The following AP3S2 variants were observed in gnomAD, a reference collection of about 807,000 sequenced individuals.
The protein encoded by AP3S2 is AP-3 complex subunit sigma-2.
In AP3S2, 22 loss-of-function variants were observed where a neutral mutation model predicts 23.4. The observed-to-expected ratio is 0.94, with a 90% confidence interval of 0.67 to 1.34. AP3S2 has a LOEUF of 1.34. Among genes scored for constraint, AP3S2 ranks in the 40% most tolerant of loss-of-function variants. The probability of loss-of-function intolerance (pLI) is 0.00; values close to 1 mark genes in which losing one functional copy is unlikely to be tolerated. For missense variants in AP3S2, 241 were observed against 236.9 expected (o/e 1.02, Z -0.11); for synonymous variants, 86 against 87.1 (o/e 0.99, Z 0.07).
intron 4 of AP3S2, among the ~76,000 whole-genome samples, chr15:89,853,652 C>CT (rs1332743937): frequency 7.5e-6 from 1 of 134,226 alleles, no homozygotes; most frequent in Non-Finnish European, 1.6e-5. Flanking sequence ...GCCATCCCAT[C>CT]TAGGAAGTGA....
chr15:89,888,670 A>T (rs756081022), intron 2 of AP3S2, 38 bp from the exon 3 acceptor site: 48 of 1,585,918 alleles, frequency 3.0e-5, no homozygotes, highest in Non-Finnish European at 4.0e-5. Flanking sequence ...CCCACAGCTT[A>T]ATTAAACACA....
At chr15:89,853,284 A>C (rs1470845898) in intron 4 of AP3S2, among the ~76,000 whole-genome samples, 13 of 152,230 alleles carry the variant, frequency 8.5e-5, no homozygotes, top group Admixed American at 8.5e-4. Context: ...GTAAAAATAA[A>C]GACAAATTCA....
intron 4 of AP3S2, among the ~76,000 whole-genome samples, chr15:89,852,178 G>A (rs988378303): frequency 1.3e-5 from 2 of 152,112 alleles, no homozygotes; most frequent in Admixed American, 6.6e-5. Context: ...TTCTTCATCT[G>A]TAAAATGGGG....
chr15:89,856,701 CAAAA>C (rs34735772), intron 4 of AP3S2, among the ~76,000 whole-genome samples: 2 of 75,072 alleles, frequency 2.7e-5, no homozygotes, highest in African/African-American at 5.3e-5. Context: ...GACTCCATCT[CAAAA>C]AAAAAAAAAA....
chr15:89,837,514 C>T, intron 5 of AP3S2, 101 bp downstream of exon 5: 1 of 1,330,782 alleles, frequency 7.5e-7, no homozygotes, highest in Non-Finnish European at 1.1e-6. Context: ...AGTATCATTT[C>T]CCGAGGTTTC....
At chr15:89,886,214 G>A (rs965272105) in intron 3 of AP3S2, among the ~76,000 whole-genome samples, 6 of 151,964 alleles carry the variant, frequency 3.9e-5, no homozygotes, top group Non-Finnish European at 8.8e-5. Flanking sequence ...CTGGGCATGT[G>A]CCTGTAATCC....
intron 4 of AP3S2, among the ~76,000 whole-genome samples, chr15:89,853,642 G>A (rs1033159615): frequency 2.1e-5 from 3 of 139,670 alleles, no homozygotes; most frequent in African/African-American, 8.2e-5. Context: ...CCGCCCGGCC[G>A]CCATCCCATC....
chr15:89,837,484 C>T lies in AP3S2; in HGVS notation c.453+131G>A, dbSNP rs912939773. The stretch of plus-strand genomic sequence containing the variant: ...CTTCAAATCCATGAGTTTCAATGGA[C>T]TCAAGGAAGAAAGAAGATGAGTATC... On this transcript the variant is annotated intron_variant, in intron 5 of 5. Transcript: ENST00000336418. 3.8e-6 allele frequency: 4 copies of T among 1,056,010 alleles called. No homozygotes were observed. The Admixed American group carries it at 9.4e-5, about 25-fold the overall frequency. 65.4% of individuals were successfully genotyped at this position (1,056,010 alleles called of 1,614,324 possible).
chr15:89,889,441 T>C (rs1896769113), intron 1 of AP3S2: 1 of 286,838 alleles, frequency 3.5e-6, no homozygotes, highest in East Asian at 7.2e-5. Flanking sequence ...TAAACTCTCA[T>C]ACAAAGTCAG....
intron 4 of AP3S2, among the ~76,000 whole-genome samples, chr15:89,853,522 G>T (rs929299769): frequency 4.6e-5 from 7 of 152,152 alleles, no homozygotes; most frequent in African/African-American, 1.7e-4. Context: ...AATCAATGAG[G>T]GCTGCCACCC....
intron 4 of AP3S2, among the ~76,000 whole-genome samples, chr15:89,867,167 C>T (rs1235934273): frequency 2.0e-5 from 3 of 149,332 alleles, no homozygotes; most frequent in African/African-American, 2.4e-5. Flanking sequence ...CGATTGCAGG[C>T]ACGCGCCGCC....
In AP3S2 at chr15:89,837,644, C is replaced by G; in HGVS notation, c.424G>C (p.Glu142Gln). The G allele has an allele frequency of 6.2e-7, 1 of 1,614,154 alleles. No homozygotes were observed. The highest frequency in any genetic ancestry group is 8.5e-7 in the Non-Finnish European group (1 of 1,180,012). Residue 142 changes from glutamate (E) to glutamine (Q), a missense_variant, in exon 5 of 6, where the codon GAG becomes CAG. Physicochemically the swap from Glu to Gln is conservative, Grantham distance 29. Transcript: ENST00000336418. Reference sequence around the variant, plus strand: ...GATTTCTCCAGCCTGTTTTGAGCCTCAATCTGAGCCACGATTTCATTCATG... The same window carrying G: ...GATTTCTCCAGCCTGTTTTGAGCCTGAATCTGAGCCACGATTTCATTCATG... ...TNMNEIVAQI[E>Q]AQNRLEKSEG...
chr15:89,842,054 A>T (rs1014043018), intron 4 of AP3S2, among the ~76,000 whole-genome samples: 1 of 152,168 alleles, frequency 6.6e-6, no homozygotes, highest in African/African-American at 2.4e-5. Flanking sequence ...AGGTAGGGAG[A>T]CGAGAAGAGA....
chr15:89,852,051 T>C (rs76615705), intron 4 of AP3S2, among the ~76,000 whole-genome samples: 262 of 152,300 alleles, frequency 1.7e-3, no homozygotes, highest in African/African-American at 6.0e-3. Flanking sequence ...ACAGGCAGCA[T>C]TGCAGAGTGT....
rs1014710813 is a variant in AP3S2 at position 89,877,387 on chromosome 15, G to A, written c.274-5841C>T. 4.6e-6 allele frequency: 6 copies of A among 1,291,336 alleles called. No homozygotes were observed. In the African/African-American group the frequency reaches 6.1e-5, roughly 13 times the overall value. The allele number at this position is 1,291,336 out of a possible 1,614,324, so 80.0% of individuals were successfully genotyped here. On this transcript the variant is annotated intron_variant, in intron 3 of 5. Transcript: ENST00000336418. ...AAGAGCTAGTGTTCCAGTTTGTAGG[G>A]TGTTGCACTGGCTTTTCTTCCTCTC...
intron 4 of AP3S2, chr15:89,850,574 T>G (rs1895623710): frequency 6.5e-6 from 1 of 152,900 alleles, no homozygotes; most frequent in African/African-American, 2.4e-5. Context: ...GAGGGCATAT[T>G]CGTACTGTAT....
At chr15:89,838,338 C>T (rs1474574050) in intron 4 of AP3S2, among the ~76,000 whole-genome samples, 1 of 152,194 alleles carries the variant, frequency 6.6e-6, no homozygotes, top group Non-Finnish European at 1.5e-5. Flanking sequence ...CTCTCCTCAC[C>T]TCATTTCTTA....
Position 89,893,846 on chromosome 15 carries a change from C to T in AP3S2, c.69+35G>A, listed in dbSNP as rs758306364. ...AGAGGAGGGAAGACATAGTGGGCGC[C>T]CTGAAGGGGCGTGGTGAAGCCGGGC... On this transcript the variant is annotated intron_variant, in intron 1 of 5. Coordinates refer to ENST00000336418, the MANE Select transcript of AP3S2 (RefSeq NM_005829.5). 11 of 1,550,942 alleles carry T rather than the reference C, an allele frequency of 7.1e-6. No individual in the cohort carries two copies. The South Asian group carries it at 9.5e-5, about 13-fold the overall frequency.
At chr15:89,837,912 C>T (rs563532301) in intron 4 of AP3S2, 190 bp from the exon 5 acceptor site, 127 of 555,802 alleles carry the variant, frequency 2.3e-4, no homozygotes, top group African/African-American at 2.0e-3. Flanking sequence ...CATGGCAACA[C>T]GAATCTCTCC....
Sources: gnomAD v4.1 joint callset for allele counts (sites outside exome capture counted in the v4.1 genomes callset) on GRCh38, gnomAD v4.1.1 for gene constraint, MANE v1.5 for transcripts, NCBI Gene and HGNC (gene_info 2026-07-23, HGNC 2026-07-21) for gene names.